Variants in JARID2 observed in about 807,000 individuals in gnomAD.
The protein encoded by JARID2 is jumonji and AT-rich interaction domain containing 2.
A neutral mutation model predicts 125.6 loss-of-function variants in JARID2; 21 were observed. The observed-to-expected ratio is 0.17, with a 90% CI of 0.12 to 0.24. The LOEUF is 0.24. JARID2 is among the 10% of genes least tolerant of loss of function. The probability of loss-of-function intolerance (pLI) is 1.00; values close to 1 mark genes in which losing one functional copy is unlikely to be tolerated. For synonymous variants in JARID2, 736 were observed against 661.6 expected (o/e 1.11, Z -1.73); for missense variants, 1,303 against 1,639.6 (o/e 0.79, Z 3.55).
chr6:15,372,504 C>CAT (rs1764208098), intron 1 of JARID2, among the ~76,000 whole-genome samples: 2 of 152,086 alleles, frequency 1.3e-5, no homozygotes, highest in South Asian at 4.1e-4. Flanking sequence ...GGACTACAGG[C>CAT]GTGCACCACC....
rs192168500 is a variant in JARID2, at chr6:15,466,931, A to G, written c.494-1611A>G. On this transcript the variant is annotated intron_variant, in intron 4 of 17. Coordinates refer to ENST00000341776, the MANE Select transcript of JARID2 (RefSeq NM_004973.4). ...AATCTACTTCTAAATGGAGACAATC[A>G]AGGGGAGGGGAACAAAACATCAAAA... Among the ~76,000 whole-genome samples the G allele has an allele frequency of 2.3e-3, 346 of 152,348 alleles. 8 individuals carry two copies. The highest frequency in any genetic ancestry group is 2.1e-4 in the Non-Finnish European group (14 of 68,022).
chr6:15,258,278 G>T (rs1473714458), intron 1 of JARID2, among the ~76,000 whole-genome samples: 1 of 152,206 alleles, frequency 6.6e-6, no homozygotes, highest in African/African-American at 2.4e-5. Context: ...TTAGTTGGCA[G>T]CAGGGATGTG....
chr6:15,248,671 G>A (rs1195289766), intron 1 of JARID2: 1 of 152,692 alleles, frequency 6.5e-6, no homozygotes, highest in Admixed American at 6.5e-5. Context: ...CGGCGCCCCA[G>A]CCCTTCTTCC....
chr6:15,361,584 T>A (rs755773603), intron 1 of JARID2, among the ~76,000 whole-genome samples: 2 of 152,248 alleles, frequency 1.3e-5, no homozygotes, highest in Non-Finnish European at 2.9e-5. Context: ...CTAGCAGCTT[T>A]AACTTAAAAT....
At chr6:15,408,223 G>C (rs1017908900) in intron 2 of JARID2, among the ~76,000 whole-genome samples, 1 of 152,186 alleles carries the variant, frequency 6.6e-6, no homozygotes, top group Non-Finnish European at 1.5e-5. Context: ...CTGCCCTCCA[G>C]CCTGGGCAAC....
intron 5 of JARID2, among the ~76,000 whole-genome samples, chr6:15,480,754 G>T (rs1215591212): frequency 6.6e-6 from 1 of 152,208 alleles, no homozygotes; most frequent in Non-Finnish European, 1.5e-5. Flanking sequence ...AGAGGAAGCA[G>T]CCAGCTGGTC....
chr6:15,433,446 GTGTGTA>G (rs1426562605), intron 3 of JARID2, among the ~76,000 whole-genome samples: 2 of 142,770 alleles, frequency 1.4e-5, no homozygotes, highest in African/African-American at 5.1e-5. Context: ...GTGTGTGTGT[GTGTGTA>G]TAATTTCAGT....
chr6:15,248,517 A>T (rs1342439824), intron 1 of JARID2: 1 of 147,482 alleles, frequency 6.8e-6, no homozygotes, highest in Non-Finnish European at 1.5e-5. Flanking sequence ...CACCGCGCAC[A>T]CGGCCGAGCA....
At chr6:15,391,627 A>G (rs1332564342) in intron 2 of JARID2, among the ~76,000 whole-genome samples, 2 of 152,350 alleles carry the variant, frequency 1.3e-5, no homozygotes, top group Non-Finnish European at 1.5e-5. Context: ...GTCAAATCAT[A>G]TTAAACCAGA....
chr6:15,513,135 AGGGTGTGTCTGCAGGGAGGCCGGTGTG>A, intron 15 of JARID2, 77 bp from the exon 16 acceptor site: 1 of 1,589,924 alleles, frequency 6.3e-7, no homozygotes, highest in East Asian at 2.3e-5. Context: ...TCCTGACAGG[AGGGTGTGTCTGCAGGGAGGCCGGTGTG>A]GGGTGCGTGT....
At chr6:15,290,763 C>T (rs993838547) in intron 1 of JARID2, among the ~76,000 whole-genome samples, 3 of 152,078 alleles carry the variant, frequency 2.0e-5, no homozygotes, top group East Asian at 3.9e-4. Context: ...GGACTACAGG[C>T]GCCCACCGCC....
intron 3 of JARID2, among the ~76,000 whole-genome samples, chr6:15,413,003 TTTTTGTTTTTTTTTTTTTTG>T (rs1198732033): frequency 1.2e-4 from 7 of 58,748 alleles, no homozygotes; most frequent in South Asian, 5.3e-4. Context: ...AGAGCTTGTG[TTTTTGTTTTTTTTTTTTTTG>T]TTTTTTTTTT....
At chr6:15,412,279 G>A (rs1318830001) in intron 3 of JARID2, among the ~76,000 whole-genome samples, 4 of 152,112 alleles carry the variant, frequency 2.6e-5, no homozygotes, top group Non-Finnish European at 5.9e-5. Context: ...GCCTTCAAAT[G>A]TGTAGTGTCA....
chr6:15,250,950 A>G (rs9476810), intron 1 of JARID2, among the ~76,000 whole-genome samples: 79,087 of 151,098 alleles, frequency 0.52, 21,490 homozygotes, highest in African/African-American at 0.68. Flanking sequence ...AGAAGACACG[A>G]GAATGTCATA....
At chr6:15,270,191 G>T (rs990256392) in intron 1 of JARID2, among the ~76,000 whole-genome samples, 2 of 152,166 alleles carry the variant, frequency 1.3e-5, no homozygotes. Flanking sequence ...GGAGAGCAAT[G>T]GTGTGATCTT....
At chr6:15,350,738 T>A (rs1328627765) in intron 1 of JARID2, among the ~76,000 whole-genome samples, 6 of 151,820 alleles carry the variant, frequency 4.0e-5, no homozygotes. Context: ...AGGTTTTTTT[T>A]TTTTTTTTTT....
At chr6:15,509,996 G>A (rs1218423802) in intron 12 of JARID2, among the ~76,000 whole-genome samples, 1 of 152,076 alleles carries the variant, frequency 6.6e-6, no homozygotes, top group Non-Finnish European at 1.5e-5. Flanking sequence ...AAAATAACAT[G>A]AGCATTAAAA....
intron 3 of JARID2, among the ~76,000 whole-genome samples, chr6:15,444,769 C>T (rs1372901046): frequency 9.0e-6 from 1 of 111,508 alleles, no homozygotes; most frequent in Non-Finnish European, 1.8e-5. Flanking sequence ...AATGAACAGA[C>T]CCTCCCTCCC....
rs774574181 is a variant in JARID2, at chr6:15,501,317, C to T, written c.2356C>T (p.Arg786Trp). The T allele has an allele frequency of 6.8e-6, 11 of 1,609,322 alleles. No individual in the cohort carries two copies. The highest frequency in any genetic ancestry group is 3.3e-5 in the South Asian group (3 of 90,864). Residue 786 changes from arginine (R) to tryptophan (W), a missense_variant, in exon 8 of 18, where the codon CGG becomes TGG. Physicochemically the swap from Arg to Trp is moderately radical, Grantham distance 101. Transcript: ENST00000341776. Reference protein sequence around the residue: ...EVGQAQLKTGRRRLFAQEKEV... With the variant: ...EVGQAQLKTGWRRLFAQEKEV... ...GGGCCAGGCCCAGTTGAAGACTGGC[C>T]GGCGGCGACTCTTCGCTCAGGAAAA...
Sources: allele counts gnomAD v4.1 joint callset (sites outside exome capture counted in the v4.1 genomes callset), GRCh38; gene constraint gnomAD v4.1.1; transcripts MANE v1.5; gene names NCBI Gene and HGNC (gene_info 2026-07-23, HGNC 2026-07-21).